Variants in ZCCHC7 observed in about 807,000 individuals in gnomAD.
The protein encoded by ZCCHC7 is zinc finger CCHC domain-containing protein 7.
A neutral mutation model predicts 52.0 loss-of-function variants in ZCCHC7; 35 were observed. The observed-to-expected ratio is 0.67, with a 90% CI of 0.51 to 0.89. The LOEUF is 0.89. Among genes scored for constraint, ZCCHC7 ranks in the 40% least tolerant of loss-of-function variants. The pLI is 0.00. For synonymous variants in ZCCHC7, 217 were observed against 221.5 expected (o/e 0.98, Z 0.18); for missense variants, 574 against 649.1 (o/e 0.88, Z 1.26).
chr9:37,333,298 A>T (rs1185717537), intron 6 of ZCCHC7, among the ~76,000 whole-genome samples: 2 of 151,678 alleles, frequency 1.3e-5, no homozygotes, highest in Admixed American at 6.6e-5. Flanking sequence ...AATATCTTTA[A>T]TGACCTACTC....
intron 2 of ZCCHC7, among the ~76,000 whole-genome samples, chr9:37,269,626 AAAAAAAAAAAAAAAAAAAAAC>A (rs1343852986): frequency 7.5e-6 from 1 of 133,124 alleles, no homozygotes; most frequent in Non-Finnish European, 1.6e-5. Flanking sequence ...CTCAAAAAAA[AAAAAAAAAAAAAAAAAAAAAC>A]AAAAGAAGTT....
chr9:37,335,626 C>T (rs575732981), intron 6 of ZCCHC7, among the ~76,000 whole-genome samples: 10 of 152,252 alleles, frequency 6.6e-5, no homozygotes, highest in African/African-American at 2.4e-4. Context: ...TCTGGACTGA[C>T]GTCCCAAACT....
At chr9:37,205,254 G>GGT in intron 2 of ZCCHC7, 1 of 344,562 alleles carries the variant, frequency 2.9e-6, no homozygotes. Flanking sequence ...ACATTTGTGA[G>GGT]GTGTTCCTTT....
At chr9:37,286,598 A>G (rs1287955858) in intron 2 of ZCCHC7, among the ~76,000 whole-genome samples, 3 of 151,930 alleles carry the variant, frequency 2.0e-5, no homozygotes, top group African/African-American at 7.3e-5. Context: ...GCAGTGAGCC[A>G]AGATCACACC....
intron 2 of ZCCHC7, among the ~76,000 whole-genome samples, chr9:37,163,935 C>G (rs914877506): frequency 2.0e-5 from 3 of 151,946 alleles, no homozygotes; most frequent in African/African-American, 7.3e-5. Flanking sequence ...AACAATTATC[C>G]TTTCTCTATT....
At chr9:37,235,018 A>C (rs1014239905) in intron 2 of ZCCHC7, among the ~76,000 whole-genome samples, 1 of 152,228 alleles carries the variant, frequency 6.6e-6, no homozygotes, top group African/African-American at 2.4e-5. Context: ...ACATGTATAC[A>C]CTGTATAATG....
chr9:37,131,227 C>T (rs1842767430), intron 2 of ZCCHC7, among the ~76,000 whole-genome samples: 1 of 151,224 alleles, frequency 6.6e-6, no homozygotes, highest in Non-Finnish European at 1.5e-5. Context: ...GTAGTCCCAG[C>T]TACTCAGGAG....
At chr9:37,308,076 G>C (rs308491) in intron 5 of ZCCHC7, among the ~76,000 whole-genome samples, 4,789 of 152,140 alleles carry the variant, frequency 0.031, 181 homozygotes, top group African/African-American at 0.08. Context: ...ACCAAAAAAT[G>C]ATATTTTATT....
chr9:37,343,374 C>T (rs779435133), intron 6 of ZCCHC7, among the ~76,000 whole-genome samples: 63 of 152,308 alleles, frequency 4.1e-4, no homozygotes, highest in Admixed American at 7.8e-4. Flanking sequence ...GTATTTGATG[C>T]ACACTTAATT....
At position 37,126,809 on chromosome 9, in the gene ZCCHC7, A is replaced by G. The variant is rs775815373; in HGVS notation, c.477A>G (p.Ser159=). 158 of 1,614,078 alleles carry G rather than the reference A, an allele frequency of 9.8e-5. No individual in the cohort carries two copies. Among genetic ancestry groups the G allele is most frequent in the Non-Finnish European group, 1.3e-4 (155 of 1,180,040 alleles). ...IREVMIIEVS[S]SEEEESTISE... ...AGGTCATGATTATAGAGGTCAGTTC[A>G]AGTGAAGAGGAAGAGAGCACCATTT... Residue 159 remains serine (S), a synonymous_variant, in exon 2 of 9, where the codon TCA becomes TCG. Transcript: ENST00000336755.
intron 2 of ZCCHC7, among the ~76,000 whole-genome samples, chr9:37,131,370 G>T (rs1398069730): frequency 1.3e-5 from 2 of 151,318 alleles, no homozygotes; most frequent in African/African-American, 4.9e-5. Context: ...TACAGGCCGG[G>T]CATGGTGGCT....
intron 2 of ZCCHC7, among the ~76,000 whole-genome samples, chr9:37,278,036 GTTT>G (rs1554723055): frequency 0.014 from 1,344 of 97,770 alleles, 8 homozygotes; most frequent in Non-Finnish European, 0.019. Context: ...GTGTGTGTGT[GTTT>G]TGTTTTGTTT....
intron 2 of ZCCHC7, among the ~76,000 whole-genome samples, chr9:37,132,747 C>T (rs747657668): frequency 1.3e-5 from 2 of 152,122 alleles, no homozygotes; most frequent in African/African-American, 4.8e-5. Context: ...CTTTTAAGTC[C>T]GGGGTGTCCA....
At chr9:37,303,777 C>T (rs1169975005) in intron 3 of ZCCHC7, among the ~76,000 whole-genome samples, 1 of 149,160 alleles carries the variant, frequency 6.7e-6, no homozygotes, top group African/African-American at 2.5e-5. Context: ...GATTCTCCTG[C>T]CTCAGCCTCC....
At chr9:37,180,973 A>G (rs1012845779) in intron 2 of ZCCHC7, among the ~76,000 whole-genome samples, 5 of 152,178 alleles carry the variant, frequency 3.3e-5, no homozygotes, top group Admixed American at 6.5e-5. Context: ...ATTCCTTGAT[A>G]TTTAGCAGAA....
intron 2 of ZCCHC7, among the ~76,000 whole-genome samples, chr9:37,196,627 A>G (rs1588463803): frequency 6.6e-6 from 1 of 152,158 alleles, no homozygotes; most frequent in East Asian, 1.9e-4. Context: ...CATTTTTAGC[A>G]CTATAAAACT....
At chr9:37,297,089 A>G (rs1353848132) in intron 2 of ZCCHC7, among the ~76,000 whole-genome samples, 1 of 152,182 alleles carries the variant, frequency 6.6e-6, no homozygotes, top group Non-Finnish European at 1.5e-5. Context: ...TAGTGATGTA[A>G]TCATCATAAA....
chr9:37,212,026 C>CAAAAAAAAAA lies in ZCCHC7; in HGVS notation c.610+85114_610+85123dup, dbSNP rs574190937. On this transcript the variant is annotated intron_variant, in intron 2 of 8. Transcript: ENST00000336755. Reference sequence around the variant, plus strand: ...TGGGTGACAGAGCGAGACTCCGTCTCAAAAAAAAAAAAAAAAAAAAAAAAA... The same window carrying CAAAAAAAAAA: ...TGGGTGACAGAGCGAGACTCCGTCTCAAAAAAAAAAAAAAAAAAAAAAAAAAAAAAAAAAA... 1.3e-3 allele frequency among the ~76,000 whole-genome samples: 70 copies of CAAAAAAAAAA among 55,414 alleles called. 2 individuals are homozygous for CAAAAAAAAAA. The highest frequency in any genetic ancestry group is 5.2e-3 in the East Asian group (5 of 954). The allele number at this position is 55,414 out of a possible 152,430, so 36.4% of individuals were successfully genotyped here. A position where few individuals can be genotyped will look rare whatever the true frequency, so the allele number is the denominator to read the frequency against.
chr9:37,177,289 C>T (rs1016945246), intron 2 of ZCCHC7, among the ~76,000 whole-genome samples: 1 of 152,068 alleles, frequency 6.6e-6, no homozygotes, highest in African/African-American at 2.4e-5. Context: ...GAGCTGAGAC[C>T]ACGCCAGTGC....
Sources: allele counts gnomAD v4.1 joint callset (sites outside exome capture counted in the v4.1 genomes callset), GRCh38; gene constraint gnomAD v4.1.1; transcripts MANE v1.5; gene names NCBI Gene and HGNC (gene_info 2026-07-23, HGNC 2026-07-21).